Variants in SPAG16 observed in about 807,000 individuals in gnomAD.
The protein encoded by SPAG16 is sperm associated antigen 16, also known as sperm-associated antigen 16 protein.
In SPAG16, 86 loss-of-function variants were observed where a neutral mutation model predicts 80.4. The observed-to-expected ratio is 1.07, with a 90% confidence interval of 0.90 to 1.28. SPAG16 has a LOEUF of 1.28. Ranked by LOEUF, SPAG16 falls within the 50% of genes most tolerant of loss-of-function variation. SPAG16 has a pLI of 0.00. For missense variants in SPAG16, 870 were observed against 765.3 expected (o/e 1.14, Z -1.61); for synonymous variants, 294 against 265.9 (o/e 1.11, Z -1.03).
At chr2:213,826,500 AC>A (rs1007167607) in intron 10 of SPAG16, among the ~76,000 whole-genome samples, 1 of 144,080 alleles carries the variant, frequency 6.9e-6, no homozygotes, top group Non-Finnish European at 1.6e-5. Flanking sequence ...TCCTTGACCC[AC>A]TGATCATTCA....
At chr2:214,139,525 A>G (rs2055240224) in intron 14 of SPAG16, among the ~76,000 whole-genome samples, 1 of 152,066 alleles carries the variant, frequency 6.6e-6, no homozygotes. Context: ...TATTCTGTAG[A>G]AAAGAGCGTC....
intron 9 of SPAG16, among the ~76,000 whole-genome samples, chr2:213,394,503 G>T (rs2067936622): frequency 6.6e-6 from 1 of 152,196 alleles, no homozygotes; most frequent in Middle Eastern, 3.4e-3. Context: ...TCAAGATTAG[G>T]ATGTTGACAT....
chr2:213,638,267 G>C (rs531927467), intron 10 of SPAG16, among the ~76,000 whole-genome samples: 2 of 152,040 alleles, frequency 1.3e-5, no homozygotes, highest in African/African-American at 4.8e-5. Flanking sequence ...TCTCGCTTAT[G>C]TCTTTTCTTC....
rs13410509 is a variant in SPAG16 at position 214,338,407 on chromosome 2, G to A, written c.1721-71733G>A. Among the ~76,000 whole-genome samples the A allele has an allele frequency of 9.5e-3, 1,447 of 152,074 alleles. 27 individuals carry two copies. The highest frequency in any genetic ancestry group is 0.033 in the African/African-American group (1,372 of 41,472). On this transcript the variant is annotated intron_variant, in intron 15 of 15. Coordinates refer to ENST00000331683, the MANE Select transcript of SPAG16 (RefSeq NM_024532.5). Reference sequence around the variant, plus strand: ...TGCATGCCTGTAGTCCCAGCTACTCGGGAGGCTGAGGCAAAGAATCATTTG... The same window carrying A: ...TGCATGCCTGTAGTCCCAGCTACTCAGGAGGCTGAGGCAAAGAATCATTTG...
chr2:213,848,446 C>T (rs527789342), intron 10 of SPAG16, among the ~76,000 whole-genome samples: 3 of 152,210 alleles, frequency 2.0e-5, no homozygotes, highest in Admixed American at 2.0e-4. Context: ...TTGTTTGAAC[C>T]CATTTCTGGA....
At chr2:214,295,778 A>C (rs1373742464) in intron 15 of SPAG16, among the ~76,000 whole-genome samples, 1 of 152,066 alleles carries the variant, frequency 6.6e-6, no homozygotes, top group African/African-American at 2.4e-5. Flanking sequence ...GCCACAGAAC[A>C]AGACTGTCTC....
At chr2:214,375,236 T>C (rs1574441167) in intron 15 of SPAG16, among the ~76,000 whole-genome samples, 1 of 152,104 alleles carries the variant, frequency 6.6e-6, no homozygotes, top group African/African-American at 2.4e-5. Context: ...GGTTTTCTAG[T>C]GTAAATAAAA....
At chr2:213,690,964 T>C (rs908201318) in intron 10 of SPAG16, among the ~76,000 whole-genome samples, 2 of 152,040 alleles carry the variant, frequency 1.3e-5, no homozygotes, top group African/African-American at 4.8e-5. Context: ...GATATAGATA[T>C]AGATATATAG....
chr2:214,200,203 G>T (rs1240125474), intron 15 of SPAG16, among the ~76,000 whole-genome samples: 1 of 152,082 alleles, frequency 6.6e-6, no homozygotes. Context: ...TCCCCATTCA[G>T]TGTGATGTTG....
At chr2:214,083,253 G>T (rs953419047) in intron 13 of SPAG16, among the ~76,000 whole-genome samples, 1 of 152,158 alleles carries the variant, frequency 6.6e-6, no homozygotes, top group African/African-American at 2.4e-5. Context: ...GCCTCTCATA[G>T]ACACATCCCC....
rs146691485 is a variant in SPAG16 at position 213,496,105 on chromosome 2, T to C, written c.1070+6015T>C. ...CTGCTGTGAGGAAATTATACTGTTATAGGGGTCAAGAATAGAAGCTGGTAG... is the reference window on the plus strand; with the variant it reads ...CTGCTGTGAGGAAATTATACTGTTACAGGGGTCAAGAATAGAAGCTGGTAG... On this transcript the variant is annotated intron_variant, in intron 10 of 15. Coordinates refer to ENST00000331683, the MANE Select transcript of SPAG16 (RefSeq NM_024532.5). Among the ~76,000 whole-genome samples, 675 of 152,304 alleles carry C rather than the reference T, an allele frequency of 4.4e-3. 4 individuals are homozygous for C. Among genetic ancestry groups the C allele is most frequent in the African/African-American group, 0.015 (622 of 41,558 alleles).
intron 10 of SPAG16, among the ~76,000 whole-genome samples, chr2:213,794,317 A>C (rs1290453916): frequency 6.6e-6 from 1 of 152,152 alleles, no homozygotes; most frequent in Non-Finnish European, 1.5e-5. Flanking sequence ...TATTGGACAT[A>C]ACTTATATGC....
chr2:214,305,738 T>C (rs1162361299), intron 15 of SPAG16, among the ~76,000 whole-genome samples: 1 of 152,206 alleles, frequency 6.6e-6, no homozygotes, highest in Non-Finnish European at 1.5e-5. Flanking sequence ...TATGTGTCTA[T>C]TCTTTTACCA....
intron 10 of SPAG16, among the ~76,000 whole-genome samples, chr2:213,683,548 C>T (rs1180293799): frequency 6.7e-6 from 1 of 150,196 alleles, no homozygotes; most frequent in Non-Finnish European, 1.5e-5. Flanking sequence ...GAGACTCCAT[C>T]TCCAAAAAAA....
intron 9 of SPAG16, among the ~76,000 whole-genome samples, chr2:213,476,983 A>C (rs2073437385): frequency 6.6e-6 from 1 of 152,068 alleles, no homozygotes; most frequent in Non-Finnish European, 1.5e-5. Flanking sequence ...GCAAGAGGGG[A>C]CCCAAAAGCT....
intron 12 of SPAG16, among the ~76,000 whole-genome samples, chr2:213,932,199 TTTG>T (rs1201922748): frequency 7.3e-6 from 1 of 137,008 alleles, no homozygotes; most frequent in East Asian, 2.2e-4. Context: ...TATATATATA[TTTG>T]TTGTTGTTGT....
At chr2:214,297,572 TATTGTTTATTATC>T (rs1449643752) in intron 15 of SPAG16, among the ~76,000 whole-genome samples, 9 of 152,236 alleles carry the variant, frequency 5.9e-5, no homozygotes, top group East Asian at 5.8e-4. Flanking sequence ...TATTGGATGA[TATTGTTTATTATC>T]ATTGTTTCTT....
chr2:214,354,166 C>T (rs768832091), intron 15 of SPAG16, among the ~76,000 whole-genome samples: 4 of 151,936 alleles, frequency 2.6e-5, no homozygotes, highest in Non-Finnish European at 4.4e-5. Flanking sequence ...AAATGATATA[C>T]ATTTTTGTAT....
At chr2:213,587,889 G>C (rs142403495) in intron 10 of SPAG16, among the ~76,000 whole-genome samples, 2 of 151,988 alleles carry the variant, frequency 1.3e-5, no homozygotes, top group Non-Finnish European at 2.9e-5. Flanking sequence ...TCGAATTAGC[G>C]TACCCATTAT....
Sources: allele counts gnomAD v4.1 joint callset (sites outside exome capture counted in the v4.1 genomes callset), GRCh38; gene constraint gnomAD v4.1.1; transcripts MANE v1.5; gene names NCBI Gene and HGNC (gene_info 2026-07-23, HGNC 2026-07-21).